Variants in CLN6 observed in about 807,000 individuals in gnomAD.
CLN6 encodes ceroid-lipofuscinosis neuronal protein 6.
Under a neutral mutation model 33.3 loss-of-function variants are expected in CLN6, and 22 were observed. That is an observed-to-expected ratio of 0.66 (90% CI 0.47 to 0.94). The LOEUF (loss-of-function observed/expected upper bound fraction) is 0.94. Among genes scored for constraint, CLN6 ranks in the 40% least tolerant of loss-of-function variants. The pLI is 0.00. For missense variants in CLN6, 387 were observed against 417.1 expected (o/e 0.93, Z 0.63); for synonymous variants, 201 against 174.6 (o/e 1.15, Z -1.19).
At chr15:68,226,612 G>A (rs924121036) in intron 1 of CLN6, among the ~76,000 whole-genome samples, 2 of 151,826 alleles carry the variant, frequency 1.3e-5, no homozygotes, top group East Asian at 2.0e-4. Flanking sequence ...GACTACATGC[G>A]CATGACACCA....
intron 1 of CLN6, among the ~76,000 whole-genome samples, chr15:68,225,357 TG>T (rs2093248738): frequency 6.6e-6 from 1 of 152,194 alleles, no homozygotes; most frequent in Admixed American, 6.5e-5. Flanking sequence ...AGATAAAACA[TG>T]GAAGATAATT....
chr15:68,225,803 T>C (rs1269404364), intron 1 of CLN6, among the ~76,000 whole-genome samples: 2 of 151,642 alleles, frequency 1.3e-5, no homozygotes, highest in African/African-American at 2.4e-5. Context: ...TGAAACGTCA[T>C]CTCTACTAAA....
At chr15:68,214,493 C>A in intron 2 of CLN6, 105 bp from the exon 3 acceptor site, 1 of 743,490 alleles carries the variant, frequency 1.3e-6, no homozygotes, top group Admixed American at 2.0e-5. Flanking sequence ...CTCCTTTCAC[C>A]CCCCACCCCA....
At chr15:68,221,670 A>G (rs1473430256) in intron 1 of CLN6, among the ~76,000 whole-genome samples, 1 of 151,928 alleles carries the variant, frequency 6.6e-6, no homozygotes, top group Non-Finnish European at 1.5e-5. Flanking sequence ...GGAAGTGAGG[A>G]GCGTCTCTGC....
chr15:68,225,840 G>T (rs2093250164), intron 1 of CLN6, among the ~76,000 whole-genome samples: 1 of 151,724 alleles, frequency 6.6e-6, no homozygotes, highest in South Asian at 2.1e-4. Context: ...GGGCGTGATG[G>T]TGGGCACCTG....
chr15:68,222,664 T>C (rs920448521), intron 1 of CLN6, among the ~76,000 whole-genome samples: 2 of 152,082 alleles, frequency 1.3e-5, no homozygotes, highest in African/African-American at 4.8e-5. Flanking sequence ...ATGATGACGA[T>C]GGCAGTTTTG....
chr15:68,208,100 C>A lies in CLN6; in HGVS notation c.*40G>T. On this transcript the variant is annotated 3_prime_UTR_variant, in exon 7 of 7. Transcript: ENST00000249806. This position sits in a 1 kb window ranked among gnomAD's most constrained non-coding sequence, Gnocchi z 5.8. Reference sequence around the variant, plus strand: ...TATTCAGATGCCCTCCATGGCCCACCCTCCCACCCAGCAGAGCGCCAGAGC... The same window carrying A: ...TATTCAGATGCCCTCCATGGCCCACACTCCCACCCAGCAGAGCGCCAGAGC... The A allele has an allele frequency of 1.3e-6, 2 of 1,505,314 alleles. No homozygotes were observed. Among genetic ancestry groups the A allele is most frequent in the Non-Finnish European group, 1.8e-6 (2 of 1,101,366 alleles). The allele number at this position is 1,505,314 out of a possible 1,614,324, so 93.2% of individuals were successfully genotyped here. A position where few individuals can be genotyped will look rare whatever the true frequency, so the allele number is the denominator to read the frequency against.
Position 68,209,828 on chromosome 15 carries a change from C to T in CLN6, c.543-69G>A. 3 of 1,601,906 alleles carry T rather than the reference C, an allele frequency of 1.9e-6. No individual in the cohort carries two copies. Among genetic ancestry groups the T allele is most frequent in the East Asian group, 4.5e-5 (2 of 44,600 alleles). On this transcript the variant is annotated intron_variant, in intron 5 of 6. Coordinates refer to ENST00000249806, the MANE Select transcript of CLN6 (RefSeq NM_017882.3). The surrounding 1 kb of genome is among the most constrained non-coding windows in gnomAD (Gnocchi z 4.9). ...CTCTTCCCCACAACCTCTGCAACCA[C>T]TCCCATGGGGTCTCATGGAGTGCCA...
chr15:68,219,588 T>G lies in CLN6; in HGVS notation c.84-938A>C, dbSNP rs867045731. Among the ~76,000 whole-genome samples the G allele has an allele frequency of 6.6e-5, 10 of 152,330 alleles. No homozygotes were observed. Among genetic ancestry groups the G allele is most frequent in the African/African-American group, 2.4e-4 (10 of 41,572 alleles). ...GCTGCCTCCTCTGGGAAGGCTTCCC[T>G]GATGAAGCTTTTCCCAAAGCCCCAC... On this transcript the variant is annotated intron_variant, in intron 1 of 6. Coordinates refer to ENST00000249806, the MANE Select transcript of CLN6 (RefSeq NM_017882.3). The surrounding 1 kb of genome is among the most constrained non-coding windows in gnomAD (Gnocchi z 4.2).
intron 1 of CLN6, among the ~76,000 whole-genome samples, chr15:68,252,035 G>A (rs1277254183): frequency 3.5e-5 from 5 of 144,112 alleles, no homozygotes; most frequent in African/African-American, 5.2e-5. Flanking sequence ...GTGCAGTGGC[G>A]TGATCTCGGC....
At chr15:68,245,806 A>G (rs1212164717) in intron 1 of CLN6, among the ~76,000 whole-genome samples, 1 of 152,136 alleles carries the variant, frequency 6.6e-6, no homozygotes, top group Non-Finnish European at 1.5e-5. Context: ...CATGAACACA[A>G]TGAAGAATAA....
At chr15:68,217,205 T>A (rs543551562) in intron 2 of CLN6, among the ~76,000 whole-genome samples, 1 of 152,232 alleles carries the variant, frequency 6.6e-6, no homozygotes, top group Admixed American at 6.5e-5. Context: ...TATGAATTAT[T>A]ACTGCTTTCC....
At chr15:68,233,999 G>A (rs1377735360), upstream of CLN6, among the ~76,000 whole-genome samples, 1 of 152,218 alleles carries the variant, frequency 6.6e-6, no homozygotes, top group African/African-American at 2.4e-5. This position sits in a 1 kb window ranked among gnomAD's most constrained non-coding sequence, Gnocchi z 4.3. Flanking sequence ...GATTCTTGTG[G>A]TTGTGATTAC....
Position 68,207,136 on chromosome 15 carries a change from T to A in CLN6, c.*1004A>T, listed in dbSNP as rs1258410887. The A allele has an allele frequency of 6.6e-6, 1 of 152,226 alleles. No individual in the cohort carries two copies. The highest frequency in any genetic ancestry group is 2.4e-5 in the African/African-American group (1 of 41,454). The allele number at this position is 152,226 out of a possible 1,614,324, so 9.4% of individuals were successfully genotyped here. A position where few individuals can be genotyped will look rare whatever the true frequency, so the allele number is the denominator to read the frequency against. On this transcript the variant is annotated 3_prime_UTR_variant, in exon 7 of 7. Coordinates refer to ENST00000249806, the MANE Select transcript of CLN6 (RefSeq NM_017882.3). ...TGTAGACCCCCCACAGGAAGGGTCC[T>A]AGGTAGGGGGAGGTTCCTCCTCCCT...
chr15:68,251,124 AAAT>A (rs1892374169), intron 1 of CLN6, among the ~76,000 whole-genome samples: 1 of 152,226 alleles, frequency 6.6e-6, no homozygotes, highest in South Asian at 2.1e-4. Flanking sequence ...ATAAGAATGT[AAAT>A]CATTCTTATA....
rs1198793938 is a variant in CLN6, at chr15:68,210,183, C to A, written c.543-424G>T. ...CCTGCAGGGGCCTCTTGGTGAAGCA[C>A]TGCACCCACTCTCAGCACACAGCCC... On this transcript the variant is annotated intron_variant, in intron 5 of 6. Coordinates refer to ENST00000249806, the MANE Select transcript of CLN6 (RefSeq NM_017882.3). This position sits in a 1 kb window ranked among gnomAD's most constrained non-coding sequence, Gnocchi z 5.6. Among the ~76,000 whole-genome samples, 2 of 152,140 alleles carry A rather than the reference C, an allele frequency of 1.3e-5. No homozygotes were observed. Among genetic ancestry groups the A allele is most frequent in the Non-Finnish European group, 2.9e-5 (2 of 68,018 alleles).
In CLN6 at chr15:68,211,252, C is replaced by T. The variant is rs760584097; in HGVS notation, c.542+11G>A. On this transcript the variant is annotated intron_variant, in intron 5 of 6. Coordinates refer to ENST00000249806, the MANE Select transcript of CLN6 (RefSeq NM_017882.3). The surrounding 1 kb of genome is among the most constrained non-coding windows in gnomAD (Gnocchi z 5.9). ...GGGCCCCTGGGATAGACAGATGGGCCCATCACTCACCACATGCAGTGACCC... is the reference window on the plus strand; with the variant it reads ...GGGCCCCTGGGATAGACAGATGGGCTCATCACTCACCACATGCAGTGACCC... The T allele has an allele frequency of 3.1e-6, 5 of 1,613,484 alleles. No individual in the cohort carries two copies. The highest frequency in any genetic ancestry group is 4.2e-6 in the Non-Finnish European group (5 of 1,179,652).
intron 1 of CLN6, among the ~76,000 whole-genome samples, chr15:68,250,261 C>G (rs550461636): frequency 5.5e-4 from 83 of 151,776 alleles, no homozygotes; most frequent in African/African-American, 1.9e-3. Flanking sequence ...AATTAAATTC[C>G]TACTGAAGAA....
intron 2 of CLN6, among the ~76,000 whole-genome samples, chr15:68,217,842 G>A (rs1349220575): frequency 2.6e-5 from 4 of 151,810 alleles, no homozygotes; most frequent in African/African-American, 7.3e-5. Context: ...CTTCACGTTC[G>A]TCTATTTATT....
Sources: gnomAD v4.1 joint callset for allele counts (sites outside exome capture counted in the v4.1 genomes callset) on GRCh38, gnomAD v4.1.1 for gene constraint, Gnocchi (gnomAD v3.1) non-coding constraint, MANE v1.5 for transcripts, NCBI Gene and HGNC (gene_info 2026-07-23, HGNC 2026-07-21) for gene names.